The following CECR2 variants were observed in gnomAD, a reference collection of about 807,000 sequenced individuals.
CECR2 encodes CECR2 histone acetyl-lysine reader, also known as chromatin remodeling regulator CECR2.
In CECR2, 30 loss-of-function variants were observed where a neutral mutation model predicts 154.5. That is an observed-to-expected ratio of 0.19 (90% CI 0.15 to 0.26). CECR2 has a LOEUF of 0.26. Among genes scored for constraint, CECR2 ranks in the 10% least tolerant of loss-of-function variants. The pLI is 1.00. For missense variants in CECR2, 1,743 were observed against 1,829.3 expected, an observed-to-expected ratio of 0.95 and a Z score of 0.86; for synonymous variants, 725 against 683.7, an observed-to-expected ratio of 1.06 and a Z score of -0.94.
chr22:17,459,935 A>AT (rs1238774597), intron 1 of CECR2, among the ~76,000 whole-genome samples: 1 of 152,210 alleles, frequency 6.6e-6, no homozygotes, highest in East Asian at 1.9e-4. Flanking sequence ...ACATGTATTT[A>AT]TACCAGTAGC....
At chr22:17,495,293 G>A (rs571802907) in intron 2 of CECR2, among the ~76,000 whole-genome samples, 2 of 152,282 alleles carry the variant, frequency 1.3e-5, no homozygotes, top group Admixed American at 6.5e-5. Context: ...ACGTGGCTGG[G>A]CACAGTGGCT....
chr22:17,489,435 A>C (rs566330962), intron 2 of CECR2, among the ~76,000 whole-genome samples: 12 of 152,048 alleles, frequency 7.9e-5, no homozygotes, highest in Non-Finnish European at 1.6e-4. Context: ...TTTCTTTTAA[A>C]TTAGGGATGC....
chr22:17,485,315 C>G (rs1233368371), intron 2 of CECR2, among the ~76,000 whole-genome samples: 1 of 152,196 alleles, frequency 6.6e-6, no homozygotes, highest in Non-Finnish European at 1.5e-5. Flanking sequence ...CAGCCCCGTG[C>G]TGTCAATGAG....
At chr22:17,426,228 G>T (rs371414194) in intron 1 of CECR2, among the ~76,000 whole-genome samples, 1 of 151,918 alleles carries the variant, frequency 6.6e-6, no homozygotes, top group Non-Finnish European at 1.5e-5. Context: ...CACAAAAAAA[G>T]ATTAAAAAGA....
intron 17 of CECR2, among the ~76,000 whole-genome samples, chr22:17,550,717 C>T (rs1384501771): frequency 1.3e-5 from 2 of 152,116 alleles, no homozygotes; most frequent in East Asian, 3.9e-4. Context: ...CCGAGGCGGG[C>T]AGATCACGAG....
intron 1 of CECR2, among the ~76,000 whole-genome samples, chr22:17,416,814 T>G (rs765486314): frequency 6.6e-6 from 1 of 152,150 alleles, no homozygotes; most frequent in Non-Finnish European, 1.5e-5. Flanking sequence ...GATCATACTA[T>G]TATAGATGGA....
intron 1 of CECR2, among the ~76,000 whole-genome samples, chr22:17,430,628 T>C (rs1171521759): frequency 6.6e-6 from 1 of 152,118 alleles, no homozygotes; most frequent in Non-Finnish European, 1.5e-5. Flanking sequence ...GAAAGAAGGG[T>C]TCATCCTAAG....
At chr22:17,406,387 G>A (rs1433027330) in intron 1 of CECR2, among the ~76,000 whole-genome samples, 2 of 152,176 alleles carry the variant, frequency 1.3e-5, no homozygotes. Context: ...GCCAGGCGTG[G>A]TGGCACACGC....
Position 17,499,557 on chromosome 22 carries a change from C to T in CECR2, c.545+8C>T, listed in dbSNP as rs772094030. ...AGAACTCTCTTTGAGCAGGTATGTTCTTCAGTGTTAGGGCATGATAGCTAC... is the reference window on the plus strand; with the variant it reads ...AGAACTCTCTTTGAGCAGGTATGTTTTTCAGTGTTAGGGCATGATAGCTAC... On this transcript the variant is annotated splice_region_variant and intron_variant, in intron 4 of 18. Transcript: ENST00000262608. 1.4e-5 allele frequency: 22 copies of T among 1,602,778 alleles called. No individual in the cohort carries two copies. Among genetic ancestry groups the T allele is most frequent in the Non-Finnish European group, 1.8e-5 (21 of 1,174,276 alleles).
intron 2 of CECR2, among the ~76,000 whole-genome samples, chr22:17,488,924 T>A (rs1406514133): frequency 1.3e-5 from 2 of 152,208 alleles, no homozygotes; most frequent in Non-Finnish European, 2.9e-5. Flanking sequence ...ACAGTCCAGT[T>A]GCTTCATATC....
Position 17,469,593 on chromosome 22 carries a change from GTT to G in CECR2, c.127-7980_127-7979del, listed in dbSNP as rs1156329348. Among the ~76,000 whole-genome samples, 211 of 125,416 alleles carry G rather than the reference GTT, an allele frequency of 1.7e-3. 1 individual carries two copies. The highest frequency in any genetic ancestry group is 2.4e-3 in the Non-Finnish European group (142 of 59,816). The allele number at this position is 125,416 out of a possible 152,430, so 82.3% of individuals were successfully genotyped here. A position where few individuals can be genotyped will look rare whatever the true frequency, so the allele number is the denominator to read the frequency against. On this transcript the variant is annotated intron_variant, in intron 1 of 18. Transcript: ENST00000262608. ...CGCATCCTCTTTTGATGATAACATT[GTT>G]TTTTTTTTTTTTTTCCAGTAAGAAT...
intron 1 of CECR2, among the ~76,000 whole-genome samples, chr22:17,422,878 A>G (rs1601331957): frequency 6.6e-6 from 1 of 151,696 alleles, no homozygotes; most frequent in African/African-American, 2.4e-5. Flanking sequence ...TAGAATTCCT[A>G]TCTCCCTGCT....
intron 15 of CECR2, 67 bp from the exon 16 acceptor site, chr22:17,542,090 A>G: frequency 6.4e-7 from 1 of 1,574,708 alleles, no homozygotes; most frequent in Admixed American, 1.8e-5. Context: ...GTTCCCATAG[A>G]GAAGCATGGC....
chr22:17,434,802 T>C (rs549603422), intron 1 of CECR2, among the ~76,000 whole-genome samples: 2 of 152,254 alleles, frequency 1.3e-5, no homozygotes, highest in African/African-American at 4.8e-5. Context: ...CTCATCTTTT[T>C]ACCTAGTCAG....
At position 17,541,874 on chromosome 22, in the gene CECR2, A is replaced by G; in HGVS notation, c.1920A>G (p.Arg640=). 2.5e-6 allele frequency: 4 copies of G among 1,613,942 alleles called. No homozygotes were observed. Among genetic ancestry groups the G allele is most frequent in the Non-Finnish European group, 3.4e-6 (4 of 1,179,872 alleles). The change falls in exon 15 of 19, where the codon CGA becomes CGG. Residue 640 remains arginine (R), a synonymous_variant. Coordinates refer to ENST00000262608, the MANE Select transcript of CECR2 (RefSeq NM_001290047.2). ...PAVPGTFGPL[R]GSDPATLYGS... ...TACCAGGAACATTTGGCCCTCTGCG[A>G]GGATCAGATCCTGCCACCTTGTATG... is the stretch of plus-strand genomic sequence containing the variant.
intron 7 of CECR2, among the ~76,000 whole-genome samples, chr22:17,507,741 G>A (rs2055873247): frequency 2.0e-5 from 3 of 152,126 alleles, no homozygotes. Flanking sequence ...AAGAACCATG[G>A]AGTTGCAGAC....
chr22:17,451,596 G>A (rs184762235), intron 1 of CECR2, among the ~76,000 whole-genome samples: 17 of 152,104 alleles, frequency 1.1e-4, no homozygotes, highest in East Asian at 9.7e-4. Flanking sequence ...GGATTCTTCC[G>A]TTCCTCCGAG....
intron 1 of CECR2, among the ~76,000 whole-genome samples, chr22:17,429,670 A>G (rs1267402156): frequency 6.6e-6 from 1 of 152,200 alleles, no homozygotes; most frequent in African/African-American, 2.4e-5. Context: ...GGAACTATAC[A>G]GCGTTGGATG....
At chr22:17,389,546 A>G (rs1338171089) in intron 1 of CECR2, among the ~76,000 whole-genome samples, 3 of 152,052 alleles carry the variant, frequency 2.0e-5, no homozygotes, top group African/African-American at 7.2e-5. Context: ...CCTGGGCTCA[A>G]GCAATCCTTC....
Sources: allele counts gnomAD v4.1 joint callset (sites outside exome capture counted in the v4.1 genomes callset), GRCh38; gene constraint gnomAD v4.1.1; transcripts MANE v1.5; gene names NCBI Gene and HGNC (gene_info 2026-07-23, HGNC 2026-07-21).